MLLT3: variants seen among roughly 807,000 people sequenced by gnomAD.
The protein encoded by MLLT3 is protein AF-9.
MLLT3 carries 4 observed loss-of-function variants against 53.2 expected under a neutral mutation model. The ratio of observed to expected loss-of-function variants is 0.08; its 90% confidence interval spans 0.04 to 0.17. MLLT3 has a LOEUF of 0.17. MLLT3 is among the 10% of genes least tolerant of loss of function. MLLT3 has a pLI of 1.00. For missense variants in MLLT3, 569 were observed against 684.0 expected (o/e 0.83, Z 1.87); for synonymous variants, 283 against 230.6 (o/e 1.23, Z -2.06).
At chr9:20,553,203 CA>C (rs530245786) in intron 2 of MLLT3, among the ~76,000 whole-genome samples, 1 of 152,064 alleles carries the variant, frequency 6.6e-6, no homozygotes, top group Non-Finnish European at 1.5e-5. Context: ...TAAAACAAAA[CA>C]AAAAAGCCCT....
intron 4 of MLLT3, among the ~76,000 whole-genome samples, chr9:20,434,850 A>T (rs2118823211): frequency 6.6e-6 from 1 of 152,328 alleles, no homozygotes; most frequent in South Asian, 2.1e-4. Context: ...TTGCAGAAAA[A>T]AGACAATAAA....
At chr9:20,548,823 ATT>A (rs11448186) in intron 2 of MLLT3, among the ~76,000 whole-genome samples, 1 of 146,776 alleles carries the variant, frequency 6.8e-6, no homozygotes. Context: ...TTGCTCAAAG[ATT>A]TTTTTTTTTT....
intron 5 of MLLT3, among the ~76,000 whole-genome samples, chr9:20,405,346 C>T (rs1264016460): frequency 7.9e-5 from 12 of 152,188 alleles, no homozygotes; most frequent in Non-Finnish European, 1.8e-4. Context: ...AATGTGGCAC[C>T]ACTACCAGAT....
chr9:20,375,399 T>C (rs539927119), intron 5 of MLLT3, among the ~76,000 whole-genome samples: 1 of 152,212 alleles, frequency 6.6e-6, no homozygotes, highest in East Asian at 1.9e-4. Context: ...GGGAAGAAAG[T>C]TTTGTCACTG....
At chr9:20,520,678 A>G (rs994322812) in intron 2 of MLLT3, among the ~76,000 whole-genome samples, 2 of 152,230 alleles carry the variant, frequency 1.3e-5, no homozygotes, top group Non-Finnish European at 2.9e-5. Flanking sequence ...AGACTTCCCT[A>G]GAGACAGAGA....
chr9:20,604,025 T>C (rs1466569987), intron 2 of MLLT3, among the ~76,000 whole-genome samples: 1 of 152,102 alleles, frequency 6.6e-6, no homozygotes, highest in Non-Finnish European at 1.5e-5. Context: ...TTTCAGGCTA[T>C]GAATTCAGAT....
intron 5 of MLLT3, among the ~76,000 whole-genome samples, chr9:20,413,168 T>C (rs1259728187): frequency 6.6e-6 from 1 of 152,224 alleles, no homozygotes; most frequent in Non-Finnish European, 1.5e-5. Context: ...ACACAAATGT[T>C]AAAATTTATC....
chr9:20,517,402 A>T (rs1817941369), intron 2 of MLLT3, among the ~76,000 whole-genome samples: 1 of 152,042 alleles, frequency 6.6e-6, no homozygotes, highest in Non-Finnish European at 1.5e-5. Flanking sequence ...TCCCCCAATA[A>T]AAGGAACCAA....
chr9:20,357,617 T>C (rs1316958755), intron 8 of MLLT3, among the ~76,000 whole-genome samples: 1 of 152,244 alleles, frequency 6.6e-6, no homozygotes, highest in Admixed American at 6.5e-5. Flanking sequence ...CTAATGACAG[T>C]AGCTCCCAAC....
At chr9:20,563,390 G>A (rs367736476) in intron 2 of MLLT3, among the ~76,000 whole-genome samples, 1 of 151,976 alleles carries the variant, frequency 6.6e-6, no homozygotes. Context: ...GTCCCTGCTG[G>A]GTAGGGAGGG....
chr9:20,565,305 A>C (rs149453050), intron 2 of MLLT3, among the ~76,000 whole-genome samples: 265 of 152,194 alleles, frequency 1.7e-3, no homozygotes, highest in Non-Finnish European at 3.0e-3. Flanking sequence ...CACTTAGAAC[A>C]GTTTGGGCTA....
chr9:20,573,382 G>C (rs1047564197), intron 2 of MLLT3, among the ~76,000 whole-genome samples: 4 of 152,016 alleles, frequency 2.6e-5, no homozygotes, highest in Non-Finnish European at 5.9e-5. Flanking sequence ...GTTTCACCAT[G>C]TTGCCCAGAC....
At chr9:20,485,906 C>G (rs907887113) in intron 2 of MLLT3, among the ~76,000 whole-genome samples, 4 of 152,128 alleles carry the variant, frequency 2.6e-5, no homozygotes, top group African/African-American at 9.7e-5. Flanking sequence ...TTAATTATAA[C>G]AGGGTTGAGC....
intron 2 of MLLT3, among the ~76,000 whole-genome samples, chr9:20,562,324 C>A (rs1819237595): frequency 6.6e-6 from 1 of 151,972 alleles, no homozygotes; most frequent in African/African-American, 2.4e-5. Flanking sequence ...GTTTCCACTC[C>A]CACCACTACC....
At chr9:20,459,720 T>A (rs1033270648) in intron 2 of MLLT3, among the ~76,000 whole-genome samples, 3 of 151,686 alleles carry the variant, frequency 2.0e-5, no homozygotes, top group African/African-American at 4.8e-5. Context: ...TATCTTTGGA[T>A]TTTTTTTTCC....
rs1225726692 is a variant in MLLT3 at position 20,342,240 on chromosome 9, C to G, written c.*4203G>C. Reference sequence around the variant, plus strand: ...GATTATATGAGTTTAAGTAAAACACCTATTTCTATCAATCTGTACTTACAT... The same window carrying G: ...GATTATATGAGTTTAAGTAAAACACGTATTTCTATCAATCTGTACTTACAT... On this transcript the variant is annotated 3_prime_UTR_variant, in exon 11 of 11. Transcript: ENST00000380338. 5.9e-5 allele frequency: 13 copies of G among 221,236 alleles called. No homozygotes were observed. In the Admixed American group the frequency reaches 7.5e-4, roughly 13 times the overall value. The allele number at this position is 221,236 out of a possible 1,614,324, so 13.7% of individuals were successfully genotyped here.
chr9:20,498,459 CT>C (rs1825137373), intron 2 of MLLT3, among the ~76,000 whole-genome samples: 1 of 152,020 alleles, frequency 6.6e-6, no homozygotes, highest in Admixed American at 6.6e-5. Context: ...CTATTCAAAT[CT>C]TTTGCCCATT....
chr9:20,468,340 T>G (rs1586972252), intron 2 of MLLT3, among the ~76,000 whole-genome samples: 2 of 152,174 alleles, frequency 1.3e-5, no homozygotes, highest in Admixed American at 1.3e-4. Flanking sequence ...CATAGCTCCT[T>G]GACAGGGATA....
At position 20,593,619 on chromosome 9, in the gene MLLT3, G is replaced by A. The variant is rs141581459; in HGVS notation, c.193+27035C>T. Among the ~76,000 whole-genome samples, 98 of 152,216 alleles carry A rather than the reference G, an allele frequency of 6.4e-4. 1 individual carries two copies. The East Asian group carries it at 0.017, about 26-fold the overall frequency. On this transcript the variant is annotated intron_variant, in intron 2 of 10. Transcript: ENST00000380338. ...CTGTTATTAGATTCTAGTCTCATTC[G>A]TTGTTTCTCAGTTTTTTTCCTGCAA... is the stretch of plus-strand genomic sequence containing the variant.
Sources: gnomAD v4.1 joint callset for allele counts (sites outside exome capture counted in the v4.1 genomes callset) on GRCh38, gnomAD v4.1.1 for gene constraint, MANE v1.5 for transcripts, NCBI Gene and HGNC (gene_info 2026-07-23, HGNC 2026-07-21) for gene names.